The following TAT variants were observed in gnomAD, a reference collection of about 807,000 sequenced individuals.
TAT encodes tyrosine aminotransferase.
TAT carries 35 observed loss-of-function variants against 53.6 expected under a neutral mutation model. That is an observed-to-expected ratio of 0.65 (90% confidence interval 0.50 to 0.87). TAT has a LOEUF of 0.87. TAT is among the 40% of genes least tolerant of loss of function. The pLI is 0.00. For synonymous variants in TAT, 197 were observed against 206.5 expected (o/e 0.95, Z 0.39); for missense variants, 525 against 571.8 (o/e 0.92, Z 0.83).
At chr16:71,573,677 T>G (rs2044218608) in intron 3 of TAT, 71 bp from the exon 4 acceptor site, 1 of 1,379,604 alleles carries the variant, frequency 7.2e-7, no homozygotes, top group East Asian at 2.5e-5. Flanking sequence ...TCACCCGGAC[T>G]TGGAGTGCAG....
Position 71,570,397 on chromosome 16 carries a change from T to G in TAT, c.913A>C (p.Ile305Leu). 7 of 1,614,168 alleles carry G rather than the reference T, an allele frequency of 4.3e-6. No individual in the cohort carries two copies. The highest frequency in any genetic ancestry group is 5.9e-6 in the Non-Finnish European group (7 of 1,180,046). ...CTCAGCTTCACCAGCCCATCTCGGA[T>G]CTAAAAGACACCCACAAGAAACATG... ...HDRRDIFGNE[I>L]RDGLVKLSQR... The change falls in exon 9 of 12, where the codon ATC becomes CTC. Residue 305 changes from isoleucine to leucine, a missense_variant and splice_region_variant. By Grantham distance (5) the Ile-to-Leu change is conservative (BLOSUM62 2). Coordinates refer to ENST00000355962, the MANE Select transcript of TAT (RefSeq NM_000353.3).
chr16:71,569,918 T>A lies in TAT; in HGVS notation c.1061A>T (p.Tyr354Phe). 4 of 1,613,588 alleles carry A rather than the reference T, an allele frequency of 2.5e-6. No individual in the cohort carries two copies. Among genetic ancestry groups the A allele is most frequent in the African/African-American group, 1.3e-5 (1 of 74,976 alleles). Reference sequence around the variant, plus strand: ...TCCAGGGATGGCAGCCAACGCCCCATAACAGAGATCAGCATTGGACTACAA... The same window carrying A: ...TCCAGGGATGGCAGCCAACGCCCCAAAACAGAGATCAGCATTGGACTACAA... ...SFLKSNADLCYGALAAIPGLR... is the reference protein window; with the variant it reads ...SFLKSNADLCFGALAAIPGLR... Residue 354 changes from tyrosine (Y) to phenylalanine (F), a missense_variant, in exon 10 of 12, where the codon TAT becomes TTT. Physicochemically the swap from Tyr to Phe is conservative, Grantham distance 22. Coordinates refer to ENST00000355962, the MANE Select transcript of TAT (RefSeq NM_000353.3).
intron 1 of TAT, among the ~76,000 whole-genome samples, chr16:71,576,773 T>C (rs1461183303): frequency 2.6e-5 from 4 of 152,206 alleles, no homozygotes; most frequent in African/African-American, 4.8e-5. Context: ...TTCCTTTCCA[T>C]GCGAGCCTAT....
chr16:71,576,016 A>G lies in TAT; in HGVS notation c.246T>C (p.Thr82=). ...TMISLSIGDP[T]VFGNLPTDPE... is the part of the protein sequence containing the mutation. Reference sequence around the variant, plus strand: ...GGTCTGTAGGCAGGTTTCCAAACACAGTAGGGTCCCCTTTTTATGGGAGGA... The same window carrying G: ...GGTCTGTAGGCAGGTTTCCAAACACGGTAGGGTCCCCTTTTTATGGGAGGA... Residue 82 remains threonine (T), a synonymous_variant, in exon 3 of 12, where the codon ACT becomes ACC. Transcript: ENST00000355962. 6.2e-7 allele frequency: 1 copy of G among 1,614,136 alleles called. No homozygotes were observed. The highest frequency in any genetic ancestry group is 8.5e-7 in the Non-Finnish European group (1 of 1,180,018).
At chr16:71,573,673 G>A (rs778271074) in intron 3 of TAT, 67 bp from the exon 4 acceptor site, 503 of 1,400,686 alleles carry the variant, frequency 3.6e-4, no homozygotes, top group Non-Finnish European at 4.7e-4. Flanking sequence ...TCTGTCACCC[G>A]GACTTGGAGT....
rs371218951 is a variant in TAT, at chr16:71,570,052, T to C, written c.1042-115A>G. 2.3e-4 allele frequency: 308 copies of C among 1,311,968 alleles called. 2 individuals are homozygous for C. In the East Asian group the frequency reaches 4.8e-3, roughly 20 times the overall value. The allele number at this position is 1,311,968 out of a possible 1,614,324, so 81.3% of individuals were successfully genotyped here. Reference sequence around the variant, plus strand: ...GGAACGTAGGTGTGATGTTCTGGCATAAGGAGTGAAAAAGAAAAAGCTCTA... The same window carrying C: ...GGAACGTAGGTGTGATGTTCTGGCACAAGGAGTGAAAAAGAAAAAGCTCTA... On this transcript the variant is annotated intron_variant, in intron 9 of 11. Transcript: ENST00000355962.
rs543233100 is a variant in TAT, at chr16:71,567,788, C to A, written c.*356G>T. 1 of 327,508 alleles carries A rather than the reference C, an allele frequency of 3.1e-6. No homozygotes were observed. Among genetic ancestry groups the A allele is most frequent in the Admixed American group, 4.4e-5 (1 of 22,936 alleles). 20.3% of individuals were successfully genotyped at this position (327,508 alleles called of 1,614,324 possible). On this transcript the variant is annotated 3_prime_UTR_variant, in exon 12 of 12. Transcript: ENST00000355962. Reference sequence around the variant, plus strand: ...GGTTGGGGGCACAAATTCTCTCAATCTTTTTCTTTTCCCTCATCCTGAGCT... The same window carrying A: ...GGTTGGGGGCACAAATTCTCTCAATATTTTTCTTTTCCCTCATCCTGAGCT...
At chr16:71,575,703 C>T in intron 3 of TAT, 2 of 610,568 alleles carry the variant, frequency 3.3e-6, no homozygotes, top group Non-Finnish European at 5.9e-6. Flanking sequence ...AGGGGAAGTG[C>T]CCATATGTCA....
intron 1 of TAT, among the ~76,000 whole-genome samples, chr16:71,576,798 C>G (rs182126396): frequency 1.3e-5 from 2 of 152,290 alleles, no homozygotes; most frequent in Admixed American, 1.3e-4. Context: ...GAAAATCTAC[C>G]TAATGCTTCT....
chr16:71,574,568 G>A (rs984451826), intron 3 of TAT, among the ~76,000 whole-genome samples: 17 of 82,026 alleles, frequency 2.1e-4, no homozygotes, highest in South Asian at 7.4e-4. Flanking sequence ...CAACAAGAGC[G>A]AAAACTTCGT....
chr16:71,568,145 T>A lies in TAT; in HGVS notation c.1364A>T (p.Ter455LeuextTer74). ...AEGSQEECDK[*>L] ...ATCCTCAGGAGAATGGATGCAGGCC[T>A]ATTTATCACACTCCTCCTGGCTGCC... is the stretch of plus-strand genomic sequence containing the variant. Residue 455 changes from the stop codon to leucine (L), a stop_lost, in exon 12 of 12, where the codon TAG becomes TTG. Transcript: ENST00000355962. 6.2e-7 allele frequency: 1 copy of A among 1,614,216 alleles called. No homozygotes were observed.
At chr16:71,571,782 CAA>C (rs2044205048) in intron 6 of TAT, 124 bp from the exon 7 acceptor site, 1 of 959,160 alleles carries the variant, frequency 1.0e-6, no homozygotes, top group South Asian at 1.4e-5. Context: ...AAGAGAAAGA[CAA>C]AAAGCACAAG....
chr16:71,571,543 C>T, intron 7 of TAT, 63 bp downstream of exon 7: 1 of 1,465,084 alleles, frequency 6.8e-7, no homozygotes, highest in South Asian at 1.1e-5. Flanking sequence ...GATTATTCCA[C>T]TTCTAAAGTT....
At chr16:71,572,411 T>TA in intron 5 of TAT, 87 bp from the exon 6 acceptor site, 1 of 1,606,240 alleles carries the variant, frequency 6.2e-7, no homozygotes, top group Middle Eastern at 1.7e-4. Context: ...ATGTAAGCAA[T>TA]AAAGTCTGTC....
chr16:71,568,698 C>T lies in TAT; in HGVS notation c.1224+13G>A, dbSNP rs2044180379. 6.2e-7 allele frequency: 1 copy of T among 1,609,218 alleles called. No homozygotes were observed. Among genetic ancestry groups the T allele is most frequent in the Non-Finnish European group, 8.5e-7 (1 of 1,176,416 alleles). On this transcript the variant is annotated intron_variant, in intron 11 of 11. Coordinates refer to ENST00000355962, the MANE Select transcript of TAT (RefSeq NM_000353.3). ...AAACTGTTGAGAATGTCCTGAGGGA[C>T]ACAGGCACCCACCGTTGCTGGGAGG...
chr16:71,568,863 A>G (rs2044182035), intron 10 of TAT, 54 bp from the exon 11 acceptor site: 2 of 1,333,296 alleles, frequency 1.5e-6, no homozygotes, highest in Admixed American at 3.5e-5. Context: ...GAACAGGCCA[A>G]TTTCCTGTGC....
At position 71,576,280 on chromosome 16, in the gene TAT, AG is replaced by A; in HGVS notation, c.135del (p.Ser46GlnfsTer18). ...TTGAAAGTTTTCTTGGCCATGTCTGAGGGCCTCACAGACCACCTGGCCTTTC... is the reference window on the plus strand; with the variant it reads ...TTGAAAGTTTTCTTGGCCATGTCTGAGGCCTCACAGACCACCTGGCCTTTC... ...KGRKARWSVR[P>X]SDMAKKTFNP... On this transcript the variant is annotated frameshift_variant, in exon 2 of 12. Coordinates refer to ENST00000355962, the MANE Select transcript of TAT (RefSeq NM_000353.3). LOFTEE classifies it high-confidence loss of function. 1.2e-6 allele frequency: 2 copies of A among 1,614,154 alleles called. No homozygotes were observed. Among genetic ancestry groups the A allele is most frequent in the Non-Finnish European group, 1.7e-6 (2 of 1,180,038 alleles).
In TAT at chr16:71,572,614, G is replaced by T. The variant is rs1466419340; in HGVS notation, c.483C>A (p.Asn161Lys). 1 of 1,614,220 alleles carries T rather than the reference G, an allele frequency of 6.2e-7. No homozygotes were observed. The highest frequency in any genetic ancestry group is 1.7e-5 in the Admixed American group (1 of 60,032). ...CLAVLANPGQ[N>K]ILVPRPGFSL... ...AGAAACCAGGTCTTGGAACCAGGAT[G>T]TTTTGCCCTGGGTTGGCCAACACAG... Residue 161 changes from asparagine to lysine, a missense_variant, in exon 5 of 12, where the codon AAC (asparagine) becomes AAA (lysine). Coordinates refer to ENST00000355962, the MANE Select transcript of TAT (RefSeq NM_000353.3).
chr16:71,568,572 T>C, intron 11 of TAT, 139 bp downstream of exon 11: 1 of 787,008 alleles, frequency 1.3e-6, no homozygotes, highest in Non-Finnish European at 2.2e-6. Context: ...ATAGGATCCA[T>C]GAGACACATC....
Sources: allele counts gnomAD v4.1 joint callset (sites outside exome capture counted in the v4.1 genomes callset), GRCh38; gene constraint gnomAD v4.1.1; transcripts MANE v1.5; gene names NCBI Gene and HGNC (gene_info 2026-07-23, HGNC 2026-07-21).